PTER: variants seen among roughly 807,000 people sequenced by gnomAD.
PTER encodes N-acetyltaurine hydrolase.
A neutral mutation model predicts 29.6 loss-of-function variants in PTER; 38 were observed. The observed-to-expected ratio is 1.28, with a 90% CI of 0.99 to 1.68. PTER has a LOEUF of 1.68. Ranked by LOEUF, PTER falls within the 40% of genes most tolerant of loss-of-function variation. The probability of loss-of-function intolerance (pLI) is 0.00; values close to 1 mark genes in which losing one functional copy is unlikely to be tolerated. For missense variants in PTER, 482 were observed against 427.8 expected (o/e 1.13, Z -1.12); for synonymous variants, 172 against 154.5 (o/e 1.11, Z -0.84).
intron 3 of PTER, among the ~76,000 whole-genome samples, chr10:16,491,597 A>G (rs1172409827): frequency 1.3e-5 from 2 of 152,204 alleles, no homozygotes; most frequent in Non-Finnish European, 2.9e-5. Context: ...AAGGCCTCCA[A>G]AAAATAAAAA....
At chr10:16,464,336 A>G (rs1254640758) in intron 1 of PTER, among the ~76,000 whole-genome samples, 1 of 152,236 alleles carries the variant, frequency 6.6e-6, no homozygotes, top group Non-Finnish European at 1.5e-5. Flanking sequence ...CAATAAACAC[A>G]ATCGAGAGAT....
rs189211266 is a variant in PTER, at chr10:16,495,498, T to G, written c.698+8881T>G. 3.6e-3 allele frequency among the ~76,000 whole-genome samples: 555 copies of G among 152,340 alleles called. 4 individuals are homozygous for G. Among genetic ancestry groups the G allele is most frequent in the South Asian group, 0.021 (101 of 4,822 alleles). ...AATTACTTTTTTGGTAAACAATTTT[T>G]AATGATCAGTCACTGAAATTCAACA... On this transcript the variant is annotated intron_variant, in intron 3 of 4. Coordinates refer to ENST00000535784, the MANE Select transcript of PTER (RefSeq NM_001261836.2).
intron 3 of PTER, among the ~76,000 whole-genome samples, chr10:16,500,518 C>CT (rs1836294032): frequency 6.6e-6 from 1 of 152,176 alleles, no homozygotes; most frequent in Admixed American, 6.5e-5. Context: ...TCCCAAAGTG[C>CT]TGGGATTACA....
At chr10:16,461,829 A>G (rs1211309683) in intron 1 of PTER, among the ~76,000 whole-genome samples, 1 of 152,154 alleles carries the variant, frequency 6.6e-6, no homozygotes, top group East Asian at 1.9e-4. Flanking sequence ...TTATAACCAT[A>G]TATTGCCCTA....
chr10:16,515,869 C>G (rs11597234), downstream of PTER, among the ~76,000 whole-genome samples: 40,796 of 151,952 alleles, frequency 0.27, 5,710 homozygotes, highest in Middle Eastern at 0.4. Flanking sequence ...GTTTTGTAAA[C>G]CTGCACTATG....
intron 1 of PTER, among the ~76,000 whole-genome samples, chr10:16,480,225 T>C (rs1006309531): frequency 3.3e-5 from 5 of 149,676 alleles, no homozygotes; most frequent in Non-Finnish European, 4.4e-5. Flanking sequence ...AGTCTCGCTC[T>C]GTTGTCCAGG....
At chr10:16,504,110 A>T (rs550911369) in intron 3 of PTER, among the ~76,000 whole-genome samples, 4 of 148,642 alleles carry the variant, frequency 2.7e-5, no homozygotes, top group African/African-American at 9.9e-5. Context: ...TTTTTTTCCC[A>T]TATTGTTTTC....
chr10:16,491,418 T>G (rs990174738), intron 3 of PTER, among the ~76,000 whole-genome samples: 1 of 152,174 alleles, frequency 6.6e-6, no homozygotes, highest in African/African-American at 2.4e-5. Context: ...TTTGACTGGG[T>G]CAGCCTCTCA....
In PTER at chr10:16,497,217, G is replaced by A. The variant is rs1351526725; in HGVS notation, c.699-7803G>A. ...CCCAAAGTGCTGGGATTACAGGCAT[G>A]AGCCATATGCCCAGCCTCTCTGGAT... On this transcript the variant is annotated intron_variant, in intron 3 of 4. Coordinates refer to ENST00000535784, the MANE Select transcript of PTER (RefSeq NM_001261836.2). Among the ~76,000 whole-genome samples the A allele has an allele frequency of 3.9e-5, 6 of 152,178 alleles. No individual in the cohort carries two copies. The South Asian group carries it at 8.3e-4, about 21-fold the overall frequency.
At chr10:16,462,525 A>G (rs1439064324) in intron 1 of PTER, among the ~76,000 whole-genome samples, 1 of 147,664 alleles carries the variant, frequency 6.8e-6, no homozygotes, top group Non-Finnish European at 1.5e-5. Context: ...CGTCTTTGCA[A>G]TTTTTCCAGC....
chr10:16,462,002 T>G (rs1834630458), intron 1 of PTER, among the ~76,000 whole-genome samples: 4 of 151,868 alleles, frequency 2.6e-5, no homozygotes, highest in Admixed American at 2.6e-4. Context: ...TTTTTTTTTT[T>G]GAGACGAAGT....
Position 16,511,846 on chromosome 10 carries a change from C to A in PTER, c.*590C>A, listed in dbSNP as rs1198214754. The stretch of plus-strand genomic sequence containing the variant: ...TATACTGTCCACCTATCTATATATT[C>A]TTCTACTGAAATGATTTTGATATCT... On this transcript the variant is annotated 3_prime_UTR_variant, in exon 5 of 5. Coordinates refer to ENST00000535784, the MANE Select transcript of PTER (RefSeq NM_001261836.2). 1 of 152,984 alleles carries A rather than the reference C, an allele frequency of 6.5e-6. No homozygotes were observed. Among genetic ancestry groups the A allele is most frequent in the Non-Finnish European group, 1.5e-5 (1 of 68,346 alleles). 9.5% of individuals were successfully genotyped at this position (152,984 alleles called of 1,614,324 possible).
At chr10:16,514,789 C>T, downstream of PTER, 1 of 999,128 alleles carries the variant, frequency 1.0e-6, no homozygotes, top group Non-Finnish European at 1.5e-6. Context: ...GCATCACAAG[C>T]TGACTTGCTG....
At chr10:16,508,738 T>C (rs1836694763) in intron 4 of PTER, among the ~76,000 whole-genome samples, 1 of 152,232 alleles carries the variant, frequency 6.6e-6, no homozygotes. Flanking sequence ...TGTATGTGTG[T>C]GTGCTTAATC....
intron 1 of PTER, among the ~76,000 whole-genome samples, chr10:16,457,407 G>A (rs897601048): frequency 2.6e-5 from 4 of 152,032 alleles, no homozygotes; most frequent in African/African-American, 7.2e-5. Context: ...TAGAGACGGG[G>A]TTTCACCGTG....
downstream of PTER, among the ~76,000 whole-genome samples, chr10:16,515,517 C>A (rs1345954514): frequency 6.6e-6 from 1 of 152,144 alleles, no homozygotes; most frequent in Non-Finnish European, 1.5e-5. Context: ...CGTTGAATAT[C>A]CACTTACACT....
chr10:16,475,785 T>C (rs11254009), intron 1 of PTER, among the ~76,000 whole-genome samples: 26,012 of 152,130 alleles, frequency 0.17, 4,249 homozygotes, highest in African/African-American at 0.43. Context: ...ACCTAATGAG[T>C]TGTGATGTCA....
chr10:16,484,923 C>A (rs1835635225), intron 2 of PTER, 107 bp downstream of exon 2: 8 of 1,284,208 alleles, frequency 6.2e-6, no homozygotes, highest in African/African-American at 1.5e-5. Context: ...CGGAAATTTG[C>A]TAGCTAGCAA....
At chr10:16,456,636 C>T (rs918427421) in intron 1 of PTER, among the ~76,000 whole-genome samples, 1 of 152,150 alleles carries the variant, frequency 6.6e-6, no homozygotes, top group Non-Finnish European at 1.5e-5. Context: ...CTTCCATTCT[C>T]TCCACTGAAA....
Sources: gnomAD v4.1 joint callset for allele counts (sites outside exome capture counted in the v4.1 genomes callset) on GRCh38, gnomAD v4.1.1 for gene constraint, MANE v1.5 for transcripts, NCBI Gene and HGNC (gene_info 2026-07-23, HGNC 2026-07-21) for gene names.